XKR6: variants seen among roughly 807,000 people sequenced by gnomAD.
XKR6 encodes the protein XK related 6.
Under a neutral mutation model 56.7 loss-of-function variants are expected in XKR6, and 22 were observed. The ratio of observed to expected loss-of-function variants is 0.39; its 90% CI spans 0.28 to 0.55. The LOEUF (loss-of-function observed/expected upper bound fraction) is 0.55, where lower values mean the gene tolerates loss of function less well. XKR6 is among the 20% of genes least tolerant of loss of function. The pLI is 0.66. For synonymous variants in XKR6, 524 were observed against 387.8 expected (o/e 1.35, Z -4.13); for missense variants, 852 against 889.0 (o/e 0.96, Z 0.53).
chr8:10,896,570 C>G lies in XKR6; in HGVS notation c.*1382G>C, dbSNP rs971922379. 1.3e-5 allele frequency: 2 copies of G among 152,654 alleles called. No homozygotes were observed. Among genetic ancestry groups the G allele is most frequent in the Admixed American group, 6.5e-5 (1 of 15,282 alleles). 9.5% of individuals were successfully genotyped at this position (152,654 alleles called of 1,614,324 possible). On this transcript the variant is annotated 3_prime_UTR_variant, in exon 3 of 3. Transcript: ENST00000416569. Reference sequence around the variant, plus strand: ...ATGGGCACACACACACATACACACACAAACACACACATACTACACACACAA... The same window carrying G: ...ATGGGCACACACACACATACACACAGAAACACACACATACTACACACACAA...
intron 1 of XKR6, among the ~76,000 whole-genome samples, chr8:11,195,584 A>G (rs767963312): frequency 4.6e-5 from 7 of 152,200 alleles, no homozygotes; most frequent in Non-Finnish European, 1.0e-4. Flanking sequence ...TTGACTACTC[A>G]AACACATTTA....
chr8:11,198,326 C>T lies in XKR6; in HGVS notation c.764+2250G>A, dbSNP rs1804001764. On this transcript the variant is annotated intron_variant, in intron 1 of 2. Transcript: ENST00000416569. Reference sequence around the variant, plus strand: ...AAAAATTTTTTTAATAAAATCCTTCCTCAGTAAATACTGCTTTTGAAGTAT... The same window carrying T: ...AAAAATTTTTTTAATAAAATCCTTCTTCAGTAAATACTGCTTTTGAAGTAT... Among the ~76,000 whole-genome samples the T allele has an allele frequency of 2.6e-5, 4 of 151,976 alleles. No individual in the cohort carries two copies. The South Asian group carries it at 8.3e-4, about 32-fold the overall frequency.
intron 1 of XKR6, among the ~76,000 whole-genome samples, chr8:10,952,981 C>A (rs560719842): frequency 6.6e-6 from 1 of 152,078 alleles, no homozygotes; most frequent in African/African-American, 2.4e-5. Context: ...ATCTAGGCTG[C>A]GCGCTCCTTA....
chr8:11,074,855 G>A (rs1800229638), intron 1 of XKR6, among the ~76,000 whole-genome samples: 1 of 152,206 alleles, frequency 6.6e-6, no homozygotes, highest in Non-Finnish European at 1.5e-5. Context: ...TGCCCTCTGG[G>A]AGCAGGATGA....
chr8:10,995,929 T>G (rs1798102964), intron 1 of XKR6, among the ~76,000 whole-genome samples: 1 of 152,156 alleles, frequency 6.6e-6, no homozygotes, highest in Non-Finnish European at 1.5e-5. Flanking sequence ...GCTTGCAACT[T>G]ATACTGGCCC....
chr8:11,048,594 C>T (rs1265316556), intron 1 of XKR6, among the ~76,000 whole-genome samples: 2 of 152,212 alleles, frequency 1.3e-5, no homozygotes, highest in Non-Finnish European at 1.5e-5. Flanking sequence ...TTTTTAAAGG[C>T]CCCCGAGGAT....
At chr8:11,073,807 G>C (rs914628075) in intron 1 of XKR6, among the ~76,000 whole-genome samples, 3 of 152,148 alleles carry the variant, frequency 2.0e-5, no homozygotes, top group Non-Finnish European at 4.4e-5. Flanking sequence ...GAAACAAACA[G>C]ACAGACAGGG....
chr8:10,957,149 C>T (rs537145510), intron 1 of XKR6, among the ~76,000 whole-genome samples: 14 of 152,236 alleles, frequency 9.2e-5, no homozygotes, highest in Non-Finnish European at 1.8e-4. Context: ...TTGGGTTTCA[C>T]CATGTGGGCC....
At chr8:10,940,021 G>A (rs1162714355) in intron 1 of XKR6, among the ~76,000 whole-genome samples, 1 of 152,220 alleles carries the variant, frequency 6.6e-6, no homozygotes, top group East Asian at 1.9e-4. Context: ...GTGTTTGCGA[G>A]AAATCCTGCG....
rs1037639297 is a variant in XKR6 at position 11,032,940 on chromosome 8, C to T, written c.765-108110G>A. Reference sequence around the variant, plus strand: ...GACCATGAAGATAAAAAGATGACAACGATGATGATGGTACCGATGGTGATT... The same window carrying T: ...GACCATGAAGATAAAAAGATGACAATGATGATGATGGTACCGATGGTGATT... On this transcript the variant is annotated intron_variant, in intron 1 of 2. Transcript: ENST00000416569. 5.3e-5 allele frequency among the ~76,000 whole-genome samples: 8 copies of T among 152,052 alleles called. No individual in the cohort carries two copies. In the East Asian group the frequency reaches 9.7e-4, roughly 18 times the overall value.
chr8:11,040,752 C>A (rs893260169), intron 1 of XKR6, among the ~76,000 whole-genome samples: 1 of 152,138 alleles, frequency 6.6e-6, no homozygotes, highest in Non-Finnish European at 1.5e-5. Context: ...CCCCCCAAAC[C>A]CCCACCTCCT....
chr8:11,050,141 G>A (rs778124382), intron 1 of XKR6, among the ~76,000 whole-genome samples: 15 of 152,178 alleles, frequency 9.9e-5, no homozygotes, highest in African/African-American at 2.4e-4. Context: ...TCCCAGGGCC[G>A]GTGCTGTTGT....
In XKR6 at chr8:11,200,983, C is replaced by A. The variant is rs781213895; in HGVS notation, c.357G>T (p.Pro119=). The change falls in exon 1 of 3, where the codon CCG becomes CCT. Residue 119 remains proline, a synonymous_variant. Coordinates refer to ENST00000416569, the MANE Select transcript of XKR6 (RefSeq NM_173683.4). This position sits in a 1 kb window ranked among gnomAD's most constrained non-coding sequence, Gnocchi z 6.4. ...CGAGCCACGGCCGCTCCACCTGCGG[C>A]GGCGGCGGCTCCGGCCGCGCGGCCG... ...TPSAARPEPP[P]PQVERPWLDC... 2 of 1,484,132 alleles carry A rather than the reference C, an allele frequency of 1.3e-6. No homozygotes were observed. Among genetic ancestry groups the A allele is most frequent in the African/African-American group, 2.9e-5 (2 of 69,462 alleles). The allele number at this position is 1,484,132 out of a possible 1,614,324, so 91.9% of individuals were successfully genotyped here. A position where few individuals can be genotyped will look rare whatever the true frequency, so the allele number is the denominator to read the frequency against.
At chr8:11,002,861 G>A (rs1379287848) in intron 1 of XKR6, among the ~76,000 whole-genome samples, 2 of 152,200 alleles carry the variant, frequency 1.3e-5, no homozygotes, top group Admixed American at 6.5e-5. Context: ...AAAAGTCACC[G>A]GTGGAAATAA....
At chr8:11,053,566 C>T (rs1476869449) in intron 1 of XKR6, among the ~76,000 whole-genome samples, 3 of 152,222 alleles carry the variant, frequency 2.0e-5, no homozygotes, top group Non-Finnish European at 4.4e-5. Context: ...TGCTGCGCCT[C>T]CTGCACCCAC....
At chr8:11,189,004 C>T (rs1803413267) in intron 1 of XKR6, among the ~76,000 whole-genome samples, 1 of 152,146 alleles carries the variant, frequency 6.6e-6, no homozygotes, top group Non-Finnish European at 1.5e-5. Context: ...TCCAACTCCC[C>T]CTCATCCCCT....
chr8:11,006,179 T>G (rs960765205), intron 1 of XKR6, among the ~76,000 whole-genome samples: 3 of 151,850 alleles, frequency 2.0e-5, no homozygotes, highest in Non-Finnish European at 2.9e-5. Context: ...GAAAGAAAAA[T>G]AAGAGATTAA....
chr8:11,201,439 A>AG lies in XKR6; in HGVS notation c.-101dup, dbSNP rs1367596551. On this transcript the variant is annotated 5_prime_UTR_variant, in exon 1 of 3. Transcript: ENST00000416569. The stretch of plus-strand genomic sequence containing the variant: ...GAGGGGGGGAAACGAATGGAGAGGA[A>AG]GGGGGGCGGGGAGGAAGCGGGGGAG... The AG allele has an allele frequency of 4.8e-6, 1 of 209,268 alleles. No individual in the cohort carries two copies. The highest frequency in any genetic ancestry group is 5.0e-5 in the South Asian group (1 of 20,124). The allele number at this position is 209,268 out of a possible 1,614,324, so 13.0% of individuals were successfully genotyped here. A position where few individuals can be genotyped will look rare whatever the true frequency, so the allele number is the denominator to read the frequency against.
intron 1 of XKR6, among the ~76,000 whole-genome samples, chr8:11,115,180 C>T (rs1799114297): frequency 6.6e-6 from 1 of 152,192 alleles, no homozygotes; most frequent in African/African-American, 2.4e-5. Context: ...TCTGCTGTTG[C>T]TGTCAATGAC....
Sources: allele counts gnomAD v4.1 joint callset (sites outside exome capture counted in the v4.1 genomes callset), GRCh38; gene constraint gnomAD v4.1.1; non-coding constraint Gnocchi (gnomAD v3.1); transcripts MANE v1.5; gene names NCBI Gene and HGNC (gene_info 2026-07-23, HGNC 2026-07-21).